The following INSL6 variants were observed in gnomAD, a reference collection of about 807,000 sequenced individuals.
The protein encoded by INSL6 is insulin like 6, also known as insulin-like peptide INSL6.
INSL6 carries 16 observed loss-of-function variants against 9.4 expected under a neutral mutation model. The ratio of observed to expected loss-of-function variants is 1.70; its 90% confidence interval spans 1.15 to 2.59. The LOEUF is 2.59. INSL6 is among the 30% of genes most tolerant of loss of function. The pLI is 0.00. For synonymous variants in INSL6, 154 were observed against 96.9 expected (o/e 1.59, Z -3.46); for missense variants, 391 against 257.3 (o/e 1.52, Z -3.56).
At chr9:5,094,677 A>G in the INSL6 span, 1 of 152,208 alleles carries the variant, frequency 6.6e-6, no homozygotes, top group Non-Finnish European at 1.5e-5. Flanking sequence ...CTTAACAGAA[A>G]GAGAATCAGA....
chr9:5,135,200 G>A (rs865816475), intron 2 of INSL6, among the ~76,000 whole-genome samples: 3 of 152,080 alleles, frequency 2.0e-5, no homozygotes, highest in Non-Finnish European at 2.9e-5. Flanking sequence ...TCTTAGAGAC[G>A]TACAAAGAGA....
At chr9:5,035,946 T>A in the INSL6 span, among the ~76,000 whole-genome samples, 1 of 152,222 alleles carries the variant, frequency 6.6e-6, no homozygotes, top group Non-Finnish European at 1.5e-5. Context: ...AAATTGTCCC[T>A]GTTTGCAGAT....
At chr9:5,047,564 CTG>C in the INSL6 span, among the ~76,000 whole-genome samples, 5 of 152,156 alleles carry the variant, frequency 3.3e-5, no homozygotes, top group African/African-American at 1.2e-4. Context: ...GTGACTGTGA[CTG>C]TTTTTTATTT....
Position 5,152,924 on chromosome 9 carries a change from C to T in INSL6, c.376+11255G>A, listed in dbSNP as rs1303796119. Among the ~76,000 whole-genome samples, 8 of 152,056 alleles carry T rather than the reference C, an allele frequency of 5.3e-5. No homozygotes were observed. In the East Asian group the frequency reaches 1.5e-3, roughly 29 times the overall value. On this transcript the variant is annotated intron_variant, in intron 2 of 3. Coordinates refer to the INSL6 transcript ENST00000649639. ...CGAGCTGAAGCACAGTGGAGCGTCG[C>T]CTCACCCGGGAAGCACAAGGGGTCA...
the INSL6 span, among the ~76,000 whole-genome samples, chr9:4,996,352 A>G: frequency 1.3e-5 from 2 of 152,052 alleles, no homozygotes; most frequent in Admixed American, 6.5e-5. Context: ...GGAGGCTGAG[A>G]CAGGAGAATC....
chr9:5,044,103 G>A, the INSL6 span, among the ~76,000 whole-genome samples: 1 of 152,058 alleles, frequency 6.6e-6, no homozygotes, highest in Non-Finnish European at 1.5e-5. Context: ...GATGTTACTG[G>A]ATTAAGCTAT....
the INSL6 span, among the ~76,000 whole-genome samples, chr9:5,040,710 G>C: frequency 6.6e-6 from 1 of 152,256 alleles, no homozygotes; most frequent in Non-Finnish European, 1.5e-5. Context: ...CATGTAAAAA[G>C]ATGCCCAACA....
the INSL6 span, among the ~76,000 whole-genome samples, chr9:5,042,987 G>C: frequency 6.6e-6 from 1 of 152,032 alleles, no homozygotes; most frequent in East Asian, 1.9e-4. Context: ...AGAAGCTGAG[G>C]GGGGTGGGCC....
chr9:5,123,726 T>C (rs946124834), downstream of INSL6, among the ~76,000 whole-genome samples: 3 of 151,884 alleles, frequency 2.0e-5, no homozygotes, highest in African/African-American at 7.2e-5. Flanking sequence ...GAAATCTTTA[T>C]AATGTTTTCC....
At chr9:5,051,430 TG>T in the INSL6 span, among the ~76,000 whole-genome samples, 1 of 152,026 alleles carries the variant, frequency 6.6e-6, no homozygotes, top group East Asian at 1.9e-4. Flanking sequence ...TAGACTCACG[TG>T]GGGGAGCCTG....
chr9:5,072,785 C>T, the INSL6 span, among the ~76,000 whole-genome samples: 3 of 152,070 alleles, frequency 2.0e-5, no homozygotes, highest in Non-Finnish European at 2.9e-5. Context: ...TATAGAATTA[C>T]AGGGTTTGAA....
chr9:5,126,448 T>TAACA (rs1824004322), intron 3 of INSL6: 1 of 1,585,618 alleles, frequency 6.3e-7, no homozygotes, highest in South Asian at 1.1e-5. Context: ...CCAGATGAGG[T>TAACA]AACAATTTTT....
At chr9:5,184,965 G>A (rs1384189682) in intron 1 of INSL6, among the ~76,000 whole-genome samples, 1 of 152,150 alleles carries the variant, frequency 6.6e-6, no homozygotes, top group African/African-American at 2.4e-5. Context: ...GGACAATGGA[G>A]CCATTGGCCA....
the INSL6 span, chr9:5,114,671 C>T: frequency 4.1e-5 from 18 of 437,396 alleles, no homozygotes; most frequent in East Asian, 6.0e-5. Context: ...AGGGCTCTGG[C>T]GTCTTAGTCT....
chr9:5,036,786 C>T, the INSL6 span, among the ~76,000 whole-genome samples: 695 of 152,242 alleles, frequency 4.6e-3, 5 homozygotes, highest in African/African-American at 0.015. Flanking sequence ...CAATACCATT[C>T]AGGACATAAG....
chr9:5,148,405 G>A (rs892337852), intron 2 of INSL6, among the ~76,000 whole-genome samples: 1 of 152,110 alleles, frequency 6.6e-6, no homozygotes, highest in Admixed American at 6.5e-5. Flanking sequence ...GCCATGTGAG[G>A]GAGAGAGAGG....
the INSL6 span, among the ~76,000 whole-genome samples, chr9:5,019,091 T>G: frequency 6.6e-6 from 1 of 152,198 alleles, no homozygotes; most frequent in Non-Finnish European, 1.5e-5. Flanking sequence ...TCTGAATGTC[T>G]AAATCTCTTG....
chr9:5,070,906 G>A, the INSL6 span, among the ~76,000 whole-genome samples: 1 of 152,124 alleles, frequency 6.6e-6, no homozygotes, highest in South Asian at 2.1e-4. Flanking sequence ...GCAAGGCCAC[G>A]AGTTAAAAGT....
chr9:5,183,892 T>C (rs7045342), intron 1 of INSL6, among the ~76,000 whole-genome samples: 55,625 of 151,978 alleles, frequency 0.37, 12,215 homozygotes, highest in African/African-American at 0.63. Context: ...CCACCCCAGG[T>C]CTACTAACTC....
Sources: gnomAD v4.1 joint callset for allele counts (sites outside exome capture counted in the v4.1 genomes callset) on GRCh38, gnomAD v4.1.1 for gene constraint, MANE v1.5 for transcripts, NCBI Gene and HGNC (gene_info 2026-07-23, HGNC 2026-07-21) for gene names.